Variants in RNASEH2B observed in about 807,000 individuals in gnomAD.
RNASEH2B encodes ribonuclease H2 subunit B, also known as Aicardi-Goutieres syndrome 2 protein.
Under a neutral mutation model 45.0 loss-of-function variants are expected in RNASEH2B, and 36 were observed. The ratio of observed to expected loss-of-function variants is 0.80; its 90% CI spans 0.61 to 1.06. The LOEUF is 1.06. Among genes scored for constraint, RNASEH2B ranks in the 50% least tolerant of loss-of-function variants. RNASEH2B has a pLI of 0.00. For synonymous variants in RNASEH2B, 119 were observed against 125.7 expected (o/e 0.95, Z 0.35); for missense variants, 361 against 360.3 (o/e 1.00, Z -0.02).
Position 50,949,514 on chromosome 13 carries a change from C to T in RNASEH2B, c.741+9C>T. The T allele has an allele frequency of 6.2e-7, 1 of 1,611,758 alleles. No individual in the cohort carries two copies. Among genetic ancestry groups the T allele is most frequent in the East Asian group, 2.2e-5 (1 of 44,816 alleles). On this transcript the variant is annotated intron_variant, in intron 9 of 10. Transcript: ENST00000336617. ...CAAATCCTCCATCAAAGGTAAGAAG[C>T]TGTGACTAAGATATCTTTGGGGGAC...
At position 50,943,492 on chromosome 13, in the gene RNASEH2B, G is replaced by C. The variant is rs980849182; in HGVS notation, c.510+98G>C. 4 of 858,146 alleles carry C rather than the reference G, an allele frequency of 4.7e-6. No homozygotes were observed. In the African/African-American group the frequency reaches 6.7e-5, roughly 14 times the overall value. The allele number at this position is 858,146 out of a possible 1,614,324, so 53.2% of individuals were successfully genotyped here. A position where few individuals can be genotyped will look rare whatever the true frequency, so the allele number is the denominator to read the frequency against. Reference sequence around the variant, plus strand: ...TAAGTCTGAATCCAGAGACCATCTTGTATATTCAGTGAAAAGAGGAAAATT... The same window carrying C: ...TAAGTCTGAATCCAGAGACCATCTTCTATATTCAGTGAAAAGAGGAAAATT... On this transcript the variant is annotated intron_variant, in intron 6 of 10. Coordinates refer to ENST00000336617, the MANE Select transcript of RNASEH2B (RefSeq NM_024570.4).
chr13:50,914,017 T>A (rs1306499675), intron 1 of RNASEH2B, among the ~76,000 whole-genome samples: 1 of 149,458 alleles, frequency 6.7e-6, no homozygotes, highest in East Asian at 2.0e-4. Flanking sequence ...TTTATATTAA[T>A]GTTATTTCTG....
At chr13:50,915,538 T>TTATATAAA (rs1879689890) in intron 1 of RNASEH2B, 1 of 398,636 alleles carries the variant, frequency 2.5e-6, no homozygotes, top group Non-Finnish European at 4.4e-6. Flanking sequence ...AGTGCCATTT[T>TTATATAAA]TATATAAATA....
At chr13:50,966,452 A>G (rs1217153779) in intron 9 of RNASEH2B, among the ~76,000 whole-genome samples, 1 of 152,086 alleles carries the variant, frequency 6.6e-6, no homozygotes, top group African/African-American at 2.4e-5. Context: ...CAACATTTCC[A>G]CAAACTGCAA....
chr13:50,963,258 G>A (rs1199088345), intron 9 of RNASEH2B, among the ~76,000 whole-genome samples: 3 of 152,026 alleles, frequency 2.0e-5, no homozygotes, highest in East Asian at 1.9e-4. Flanking sequence ...TCCGCCTCCC[G>A]GGTTCAAGTG....
chr13:50,935,915 A>G (rs1357655835), intron 5 of RNASEH2B: 1 of 152,310 alleles, frequency 6.6e-6, no homozygotes, highest in African/African-American at 2.4e-5. Flanking sequence ...TGTTGCAGTG[A>G]TCCAGACAGG....
At chr13:50,960,078 A>G (rs1163542227), downstream of RNASEH2B, 10 of 598,072 alleles carry the variant, frequency 1.7e-5, no homozygotes, top group Non-Finnish European at 2.4e-5. Flanking sequence ...AATAGGTTCT[A>G]GACATATCTT....
intron 5 of RNASEH2B, 42 bp downstream of exon 5, chr13:50,935,041 G>A: frequency 7.6e-7 from 1 of 1,312,056 alleles, no homozygotes; most frequent in Non-Finnish European, 1.1e-6. Flanking sequence ...AGAAAGGATG[G>A]ACCTTGCCTA....
intron 1 of RNASEH2B, among the ~76,000 whole-genome samples, chr13:50,916,312 A>T (rs541677484): frequency 2.6e-5 from 4 of 152,300 alleles, no homozygotes; most frequent in African/African-American, 9.6e-5. Context: ...TTGGGGTTAC[A>T]TAAAAGTTTA....
chr13:50,920,252 C>T (rs928947261), intron 1 of RNASEH2B, among the ~76,000 whole-genome samples: 1 of 152,142 alleles, frequency 6.6e-6, no homozygotes, highest in Non-Finnish European at 1.5e-5. Context: ...ACCATGTTGG[C>T]CGGGCTGGTC....
rs1030894017 is a variant in RNASEH2B, at chr13:50,924,900, T to C, written c.65-2507T>C. Among the ~76,000 whole-genome samples, 5 of 152,224 alleles carry C rather than the reference T, an allele frequency of 3.3e-5. No individual in the cohort carries two copies. The South Asian group carries it at 1.0e-3, about 31-fold the overall frequency. ...AGTATTATTGTGATGTATAGTTTTA[T>C]TCCTGTTTCTTATGCTTTGAGTTCA... On this transcript the variant is annotated intron_variant, in intron 1 of 10. Transcript: ENST00000336617.
At chr13:50,960,018 T>C (rs763061545), downstream of RNASEH2B, 192 of 376,494 alleles carry the variant, frequency 5.1e-4, no homozygotes, top group Non-Finnish European at 7.9e-4. Context: ...TTCTTTTTAG[T>C]TACTCAAGTC....
chr13:50,959,647 T>C (rs1301057744), downstream of RNASEH2B: 1 of 152,118 alleles, frequency 6.6e-6, no homozygotes, highest in Non-Finnish European at 1.5e-5. Context: ...GAGACGGGGT[T>C]TCTCCATGTT....
intron 4 of RNASEH2B, among the ~76,000 whole-genome samples, chr13:50,932,469 G>A (rs750630452): frequency 3.3e-5 from 5 of 152,146 alleles, no homozygotes; most frequent in South Asian, 2.1e-4. Context: ...CACATAAATG[G>A]CGGTGAGGAT....
chr13:50,954,207 CAA>C (rs998133701), intron 10 of RNASEH2B: 65 of 612,406 alleles, frequency 1.1e-4, no homozygotes, highest in Non-Finnish European at 1.7e-4. Flanking sequence ...TACTACTTAT[CAA>C]GAGTGTGCCT....
chr13:50,945,357 C>T, intron 6 of RNASEH2B, 70 bp from the exon 7 acceptor site: 1 of 1,048,548 alleles, frequency 9.5e-7, no homozygotes, highest in African/African-American at 1.6e-5. Flanking sequence ...CTGAAGGCCA[C>T]CTATGAATTC....
chr13:50,963,920 G>A (rs377232629), intron 9 of RNASEH2B, among the ~76,000 whole-genome samples: 29 of 152,154 alleles, frequency 1.9e-4, no homozygotes, highest in East Asian at 7.7e-4. Flanking sequence ...AGTCCCGGCC[G>A]GGTGCGTTGG....
chr13:50,954,985 T>C (rs993969765), intron 10 of RNASEH2B: 1 of 152,242 alleles, frequency 6.6e-6, no homozygotes, highest in Non-Finnish European at 1.5e-5. Context: ...CCTGTTTTTA[T>C]GTTGAGATAG....
chr13:50,953,703 G>T (rs1566090575), intron 9 of RNASEH2B: 1 of 599,710 alleles, frequency 1.7e-6, no homozygotes, highest in Non-Finnish European at 3.0e-6. Context: ...CACCAAGGCT[G>T]CTTCTTAGGA....
Sources: allele counts gnomAD v4.1 joint callset (sites outside exome capture counted in the v4.1 genomes callset), GRCh38; gene constraint gnomAD v4.1.1; transcripts MANE v1.5; gene names NCBI Gene and HGNC (gene_info 2026-07-23, HGNC 2026-07-21).